The following STPG2 variants were observed in gnomAD, a reference collection of about 807,000 sequenced individuals.
The protein encoded by STPG2 is sperm tail PG-rich repeat containing 2, also known as sperm-tail PG-rich repeat-containing protein 2.
STPG2 carries 56 observed loss-of-function variants against 54.2 expected under a neutral mutation model. The observed-to-expected ratio is 1.03, with a 90% CI of 0.83 to 1.29. The LOEUF is 1.29. Ranked by LOEUF, STPG2 falls within the 50% of genes most tolerant of loss-of-function variation. STPG2 has a pLI of 0.00. For missense variants in STPG2, 596 were observed against 544.9 expected (o/e 1.09, Z -0.93); for synonymous variants, 200 against 181.8 (o/e 1.10, Z -0.81).
chr4:97,990,217 A>G (rs956356684), intron 5 of STPG2, among the ~76,000 whole-genome samples: 3 of 152,178 alleles, frequency 2.0e-5, no homozygotes, highest in Non-Finnish European at 2.9e-5. Context: ...GCTTTTTTGT[A>G]AAGATCCTAA....
intron 9 of STPG2, among the ~76,000 whole-genome samples, chr4:97,800,400 G>A (rs1452811269): frequency 1.3e-5 from 2 of 152,136 alleles, no homozygotes; most frequent in East Asian, 1.9e-4. Flanking sequence ...TCCTTCTAAC[G>A]GTCAGGGCCC....
At chr4:97,946,385 G>T (rs576383537) in intron 7 of STPG2, among the ~76,000 whole-genome samples, 10 of 152,224 alleles carry the variant, frequency 6.6e-5, no homozygotes, top group Admixed American at 4.6e-4. Context: ...CTATACAGAA[G>T]CTCTGTAGTT....
chr4:97,558,118 T>A (rs1429092342), downstream of STPG2, among the ~76,000 whole-genome samples: 2 of 152,218 alleles, frequency 1.3e-5, no homozygotes, highest in African/African-American at 4.8e-5. Context: ...CTCTCATACA[T>A]ACCCTTATGA....
chr4:97,879,543 C>T (rs1366776327), intron 8 of STPG2, among the ~76,000 whole-genome samples: 2 of 152,080 alleles, frequency 1.3e-5, no homozygotes, highest in Non-Finnish European at 2.9e-5. Flanking sequence ...TCTCATGAGA[C>T]TTATTCTTAT....
chr4:97,452,120 A>ACCCCCCC (rs70953067), intron 4 of STPG2, among the ~76,000 whole-genome samples: 1 of 19,442 alleles, frequency 5.1e-5, no homozygotes, highest in Non-Finnish European at 8.7e-5. Flanking sequence ...CCCCGCCCCC[A>ACCCCCCC]CCCCCCCCCC....
At chr4:98,006,503 G>T (rs1268022122) in intron 5 of STPG2, among the ~76,000 whole-genome samples, 1 of 152,180 alleles carries the variant, frequency 6.6e-6, no homozygotes. Context: ...ATATCAAGCT[G>T]GGAAGAATTT....
intron 8 of STPG2, among the ~76,000 whole-genome samples, chr4:97,878,965 T>C (rs749476609): frequency 5.3e-5 from 8 of 152,206 alleles, no homozygotes; most frequent in Non-Finnish European, 1.2e-4. Flanking sequence ...AAATTTCTTC[T>C]GCCAGATACC....
At position 97,924,729 on chromosome 4, in the gene STPG2, G is replaced by GT. The variant is rs201001176; in HGVS notation, c.1044+19167dup. 2.1e-3 allele frequency among the ~76,000 whole-genome samples: 315 copies of GT among 152,248 alleles called. 4 individuals are homozygous for GT. In the East Asian group the frequency reaches 0.031, roughly 15 times the overall value. On this transcript the variant is annotated intron_variant, in intron 8 of 10. Transcript: ENST00000295268. ...TTCGTCATAAATTTGATATAAAGAG[G>GT]TTTTAATGATAATAATACCATATTA...
chr4:97,889,527 T>C (rs1730690979), intron 8 of STPG2, among the ~76,000 whole-genome samples: 1 of 152,126 alleles, frequency 6.6e-6, no homozygotes, highest in Non-Finnish European at 1.5e-5. Context: ...CATGGATGAA[T>C]CTCAAAGACA....
intron 5 of STPG2, among the ~76,000 whole-genome samples, chr4:98,093,174 T>C (rs560358428): frequency 6.6e-6 from 1 of 152,290 alleles, no homozygotes; most frequent in South Asian, 2.1e-4. Flanking sequence ...AAGATTTATC[T>C]TAAAGACTTT....
chr4:97,799,224 T>TGATAATG (rs1451592419), intron 9 of STPG2, among the ~76,000 whole-genome samples: 94 of 151,624 alleles, frequency 6.2e-4, no homozygotes, highest in African/African-American at 2.2e-3. Context: ...GATCCTGTCA[T>TGATAATG]TCTGATGTTA....
intron 5 of STPG2, chr4:98,026,303 A>G (rs547951931): frequency 3.0e-6 from 2 of 667,064 alleles, no homozygotes; most frequent in South Asian, 3.6e-5. Context: ...TCAGATAAAG[A>G]CAATAAAAGT....
At chr4:97,814,982 C>G (rs1727861594) in intron 9 of STPG2, among the ~76,000 whole-genome samples, 1 of 152,052 alleles carries the variant, frequency 6.6e-6, no homozygotes, top group Admixed American at 6.6e-5. Context: ...TACAGTATTT[C>G]TTAGTATTAC....
chr4:98,013,446 T>C (rs1735822067), intron 5 of STPG2, among the ~76,000 whole-genome samples: 1 of 152,136 alleles, frequency 6.6e-6, no homozygotes, highest in Non-Finnish European at 1.5e-5. Context: ...GGTATCAGGG[T>C]GATGCTAGCC....
chr4:97,527,544 C>T (rs948458796), intron 4 of STPG2, among the ~76,000 whole-genome samples: 1 of 152,140 alleles, frequency 6.6e-6, no homozygotes, highest in African/African-American at 2.4e-5. Flanking sequence ...AATGGTATTT[C>T]TGGTTCTAGA....
At chr4:97,546,135 A>G (rs1025747244) in intron 4 of STPG2, among the ~76,000 whole-genome samples, 2 of 151,830 alleles carry the variant, frequency 1.3e-5, no homozygotes, top group Admixed American at 6.6e-5. Flanking sequence ...GAGAACTACT[A>G]CACTCATAAG....
chr4:98,053,936 T>G (rs896357391), intron 5 of STPG2, among the ~76,000 whole-genome samples: 3 of 152,156 alleles, frequency 2.0e-5, no homozygotes, highest in Non-Finnish European at 4.4e-5. Flanking sequence ...AGTCCTGAAT[T>G]TTGTAGCAGT....
chr4:97,907,669 G>C (rs1008208096), intron 8 of STPG2, among the ~76,000 whole-genome samples: 2 of 152,034 alleles, frequency 1.3e-5, no homozygotes, highest in African/African-American at 4.8e-5. Flanking sequence ...CCAAAACAGA[G>C]ATATAGACCA....
chr4:98,101,772 GA>G (rs771373690), intron 5 of STPG2, among the ~76,000 whole-genome samples: 1 of 152,020 alleles, frequency 6.6e-6, no homozygotes, highest in Non-Finnish European at 1.5e-5. Flanking sequence ...TCTTCTCCAT[GA>G]CATTGAACTC....
Sources: allele counts gnomAD v4.1 joint callset (sites outside exome capture counted in the v4.1 genomes callset), GRCh38; gene constraint gnomAD v4.1.1; transcripts MANE v1.5; gene names NCBI Gene and HGNC (gene_info 2026-07-23, HGNC 2026-07-21).